The following SDK1 variants were observed in gnomAD, a reference collection of about 807,000 sequenced individuals.
SDK1 encodes the protein protein sidekick-1.
Under a neutral mutation model 245.5 loss-of-function variants are expected in SDK1, and 157 were observed. The ratio of observed to expected loss-of-function variants is 0.64; its 90% CI spans 0.56 to 0.73. The LOEUF (loss-of-function observed/expected upper bound fraction) is 0.73, where lower values mean the gene tolerates loss of function less well. SDK1 is among the 30% of genes least tolerant of loss of function. The pLI is 0.00. For synonymous variants in SDK1, 1,647 were observed against 1,278.5 expected (o/e 1.29, Z -6.15); for missense variants, 3,583 against 3,002.3 (o/e 1.19, Z -4.52).
intron 36 of SDK1, 29 bp downstream of exon 36, chr7:4,206,023 CT>C: frequency 7.0e-7 from 1 of 1,434,436 alleles, no homozygotes; most frequent in Non-Finnish European, 9.4e-7. Flanking sequence ...GTTGCCTCCC[CT>C]GGCTCGCTTG....
intron 22 of SDK1, among the ~76,000 whole-genome samples, chr7:4,102,066 G>T (rs1011078282): frequency 6.6e-6 from 1 of 152,206 alleles, no homozygotes; most frequent in African/African-American, 2.4e-5. Flanking sequence ...CCAGGGAAGG[G>T]CTGGGAATCT....
At chr7:3,613,273 C>A (rs1419745680) in intron 1 of SDK1, among the ~76,000 whole-genome samples, 1 of 152,112 alleles carries the variant, frequency 6.6e-6, no homozygotes, top group Non-Finnish European at 1.5e-5. Context: ...AATGATTTTT[C>A]CTCTGCAGAT....
At chr7:3,340,578 C>G (rs144379851) in intron 1 of SDK1, among the ~76,000 whole-genome samples, 18 of 152,134 alleles carry the variant, frequency 1.2e-4, no homozygotes, top group Admixed American at 9.2e-4. Context: ...CTGGCTAACA[C>G]GGTGAAACCC....
At chr7:4,217,564 C>T (rs1172678934) in intron 38 of SDK1, among the ~76,000 whole-genome samples, 1 of 133,956 alleles carries the variant, frequency 7.5e-6, no homozygotes, top group African/African-American at 2.8e-5. Context: ...CGGAGAACCA[C>T]ACCACCCGGA....
intron 5 of SDK1, among the ~76,000 whole-genome samples, chr7:3,853,035 T>C (rs906069179): frequency 6.6e-6 from 1 of 151,984 alleles, no homozygotes; most frequent in Non-Finnish European, 1.5e-5. Flanking sequence ...TAGTCATCCC[T>C]CCATTCCAGG....
chr7:4,175,638 A>T (rs1782152816), intron 33 of SDK1, 137 bp from the exon 34 acceptor site: 1 of 759,200 alleles, frequency 1.3e-6, no homozygotes, highest in African/African-American at 1.7e-5. Context: ...CGGGGTCTTT[A>T]TTGCCCCGGG....
intron 5 of SDK1, among the ~76,000 whole-genome samples, chr7:3,901,161 A>C (rs1781776600): frequency 6.6e-6 from 1 of 151,952 alleles, no homozygotes; most frequent in African/African-American, 2.4e-5. Context: ...ATTCTTTGTC[A>C]GATTCAAGTT....
chr7:3,958,951 G>A lies in SDK1; in HGVS notation c.1171G>A (p.Glu391Lys). 1.9e-6 allele frequency: 3 copies of A among 1,613,904 alleles called. No homozygotes were observed. Among genetic ancestry groups the A allele is most frequent in the Non-Finnish European group, 2.5e-6 (3 of 1,179,898 alleles). ...FIIEPPYFTA[E>K]PESRISAEVE... ...TGAAGAGCCACCATATTTTACTGCTGAGCCCGAGAGTCGGATTTCAGCTGA... is the reference window on the plus strand; with the variant it reads ...TGAAGAGCCACCATATTTTACTGCTAAGCCCGAGAGTCGGATTTCAGCTGA... The change falls in exon 8 of 45, where the codon GAG becomes AAG. Residue 391 changes from glutamate to lysine, a missense_variant. Coordinates refer to ENST00000404826, the MANE Select transcript of SDK1 (RefSeq NM_152744.4).
chr7:3,424,109 A>C (rs1161118594), intron 1 of SDK1, among the ~76,000 whole-genome samples: 2 of 152,064 alleles, frequency 1.3e-5, no homozygotes, highest in Non-Finnish European at 2.9e-5. Context: ...ATGGGGTTTC[A>C]CCATGTTTGC....
chr7:3,678,677 GA>G (rs1199583287), intron 4 of SDK1, among the ~76,000 whole-genome samples: 1 of 152,164 alleles, frequency 6.6e-6, no homozygotes, highest in Non-Finnish European at 1.5e-5. Context: ...TTCTGTTTGG[GA>G]TGAAGAAAAA....
At chr7:3,546,681 C>T (rs1038054698) in intron 1 of SDK1, among the ~76,000 whole-genome samples, 12 of 152,308 alleles carry the variant, frequency 7.9e-5, no homozygotes, top group African/African-American at 2.6e-4. Flanking sequence ...AACTGTACTG[C>T]GTAAAGACCA....
intron 29 of SDK1, among the ~76,000 whole-genome samples, chr7:4,146,253 G>T (rs662623): frequency 2.9e-5 from 4 of 139,292 alleles, no homozygotes; most frequent in Admixed American, 2.1e-4. Context: ...TGAGCATTTC[G>T]TGACACACTT....
At chr7:3,527,486 C>T (rs1392728459) in intron 1 of SDK1, among the ~76,000 whole-genome samples, 1 of 152,174 alleles carries the variant, frequency 6.6e-6, no homozygotes, top group African/African-American at 2.4e-5. Flanking sequence ...TCAAGAGGCC[C>T]TGAGGCTGGA....
At chr7:4,090,700 G>A (rs1781732997) in intron 22 of SDK1, among the ~76,000 whole-genome samples, 1 of 152,198 alleles carries the variant, frequency 6.6e-6, no homozygotes, top group Admixed American at 6.5e-5. Context: ...GGTTAGTGCA[G>A]TGGAGAGTGG....
At chr7:4,243,657 G>A (rs1368152199) in intron 43 of SDK1, among the ~76,000 whole-genome samples, 2 of 152,140 alleles carry the variant, frequency 1.3e-5, no homozygotes, top group Non-Finnish European at 2.9e-5. Flanking sequence ...AGAACAGCAC[G>A]GGAAAGACCT....
chr7:3,389,219 A>G (rs1376186584), intron 1 of SDK1, among the ~76,000 whole-genome samples: 1 of 152,170 alleles, frequency 6.6e-6, no homozygotes, highest in South Asian at 2.1e-4. Context: ...GAACCAGTGA[A>G]TGTTACCTTC....
intron 4 of SDK1, among the ~76,000 whole-genome samples, chr7:3,786,885 C>G (rs111847336): frequency 0.019 from 2,919 of 152,142 alleles, 111 homozygotes; most frequent in African/African-American, 0.066. Context: ...ACACCCCCAC[C>G]AACACACTAA....
At chr7:4,164,433 C>T (rs558511208) in intron 32 of SDK1, among the ~76,000 whole-genome samples, 4 of 152,290 alleles carry the variant, frequency 2.6e-5, no homozygotes, top group African/African-American at 9.6e-5. Flanking sequence ...GCCCTGACTC[C>T]CGTGAGGGTC....
chr7:3,683,763 A>G (rs537504446), intron 4 of SDK1, among the ~76,000 whole-genome samples: 1 of 152,170 alleles, frequency 6.6e-6, no homozygotes, highest in Non-Finnish European at 1.5e-5. Flanking sequence ...TGCCTTAGAC[A>G]CATGCATTAC....
Sources: allele counts gnomAD v4.1 joint callset (sites outside exome capture counted in the v4.1 genomes callset), GRCh38; gene constraint gnomAD v4.1.1; transcripts MANE v1.5; gene names NCBI Gene and HGNC (gene_info 2026-07-23, HGNC 2026-07-21).